ITPR1: variants seen among roughly 807,000 people sequenced by gnomAD.
ITPR1 encodes inositol 1,4,5-trisphosphate receptor type 1, also known as inositol 1,4,5-trisphosphate-gated calcium channel ITPR1.
In ITPR1, 96 loss-of-function variants were observed where a neutral mutation model predicts 318.4. The ratio of observed to expected loss-of-function variants is 0.30; its 90% CI spans 0.26 to 0.36. The LOEUF (loss-of-function observed/expected upper bound fraction) is 0.36. ITPR1 is among the 10% of genes least tolerant of loss of function. ITPR1 has a pLI of 1.00. For missense variants in ITPR1, 2,440 were observed against 3,460.2 expected, an observed-to-expected ratio of 0.71 and a Z score of 7.40; for synonymous variants, 1,312 against 1,289.9, an observed-to-expected ratio of 1.02 and a Z score of -0.37.
intron 3 of ITPR1, among the ~76,000 whole-genome samples, chr3:4,520,130 G>C (rs1224148130): frequency 1.3e-5 from 2 of 152,164 alleles, no homozygotes; most frequent in Non-Finnish European, 2.9e-5. Context: ...GTGTTAGCTG[G>C]GAACAACTGC....
chr3:4,505,970 A>T (rs1430923974), intron 2 of ITPR1, among the ~76,000 whole-genome samples: 1 of 152,222 alleles, frequency 6.6e-6, no homozygotes, highest in Non-Finnish European at 1.5e-5. Context: ...AGTTTATGAG[A>T]ATAGAAAATA....
chr3:4,791,492 GT>G (rs974679645), intron 52 of ITPR1, among the ~76,000 whole-genome samples: 6 of 152,320 alleles, frequency 3.9e-5, no homozygotes, highest in Admixed American at 6.5e-5. Context: ...CCTTGCTGAT[GT>G]GACAGAGGCA....
chr3:4,642,849 C>T (rs770964787), intron 7 of ITPR1, among the ~76,000 whole-genome samples: 29 of 152,266 alleles, frequency 1.9e-4, no homozygotes, highest in Admixed American at 3.3e-4. Flanking sequence ...TCAGCCATTA[C>T]GTGGGCATAT....
chr3:4,735,104 A>G (rs2043180783), intron 43 of ITPR1, 60 bp from the exon 44 acceptor site: 21 of 1,338,262 alleles, frequency 1.6e-5, no homozygotes, highest in Non-Finnish European at 2.2e-5. Context: ...CGTAGTAAGT[A>G]TGCAGCAAAC....
intron 33 of ITPR1, among the ~76,000 whole-genome samples, chr3:4,695,033 C>T (rs977040270): frequency 2.0e-5 from 3 of 152,164 alleles, no homozygotes; most frequent in African/African-American, 7.2e-5. Context: ...AACACTGTAA[C>T]TTCTTTTCAT....
At chr3:4,698,032 A>G (rs1327457959) in intron 34 of ITPR1, among the ~76,000 whole-genome samples, 1 of 152,172 alleles carries the variant, frequency 6.6e-6, no homozygotes, top group African/African-American at 2.4e-5. Flanking sequence ...CAGCCTCAAG[A>G]GTGGCCTTAA....
At chr3:4,774,248 A>G (rs1368958749) in intron 46 of ITPR1, among the ~76,000 whole-genome samples, 1 of 152,230 alleles carries the variant, frequency 6.6e-6, no homozygotes, top group Non-Finnish European at 1.5e-5. Flanking sequence ...TAAATGATGT[A>G]GATATACTGT....
At chr3:4,520,427 G>C (rs1387000772) in intron 3 of ITPR1, among the ~76,000 whole-genome samples, 1 of 152,044 alleles carries the variant, frequency 6.6e-6, no homozygotes, top group Non-Finnish European at 1.5e-5. Flanking sequence ...TGTGCTCATG[G>C]TTCTTTCCAC....
intron 4 of ITPR1, among the ~76,000 whole-genome samples, chr3:4,532,045 C>T (rs375572148): frequency 2.0e-5 from 3 of 152,190 alleles, no homozygotes; most frequent in Admixed American, 6.5e-5. Context: ...AAAGCACTTA[C>T]GGGACTACCT....
At chr3:4,765,577 G>A (rs984494611) in intron 44 of ITPR1, among the ~76,000 whole-genome samples, 32 of 152,178 alleles carry the variant, frequency 2.1e-4, no homozygotes, top group Admixed American at 1.7e-3. Flanking sequence ...ACTGCCTTCT[G>A]TAGGGAAGTG....
intron 42 of ITPR1, among the ~76,000 whole-genome samples, chr3:4,732,068 C>G (rs1483290560): frequency 2.6e-5 from 4 of 152,162 alleles, no homozygotes; most frequent in Non-Finnish European, 4.4e-5. Context: ...ATTTATACAG[C>G]CTTTGACTTT....
intron 4 of ITPR1, among the ~76,000 whole-genome samples, chr3:4,606,054 C>CAAAT (rs1446912555): frequency 6.6e-6 from 1 of 152,100 alleles, no homozygotes; most frequent in Non-Finnish European, 1.5e-5. Flanking sequence ...TTTCTTTTCC[C>CAAAT]AAATCCAGGA....
intron 4 of ITPR1, among the ~76,000 whole-genome samples, chr3:4,615,378 T>C (rs2686614): frequency 0.077 from 11,499 of 149,092 alleles, 1,385 homozygotes; most frequent in African/African-American, 0.26. Context: ...TCTTTCTTTT[T>C]TTTTTTTTTT....
intron 4 of ITPR1, among the ~76,000 whole-genome samples, chr3:4,553,481 A>G (rs536234754): frequency 6.6e-6 from 1 of 152,134 alleles, no homozygotes; most frequent in African/African-American, 2.4e-5. Context: ...CCCAGGCTGA[A>G]GTACAGTGGT....
At chr3:4,820,544 C>T (rs553182687) in intron 60 of ITPR1, among the ~76,000 whole-genome samples, 38 of 152,332 alleles carry the variant, frequency 2.5e-4, no homozygotes, top group African/African-American at 8.2e-4. Flanking sequence ...CCACCCAACC[C>T]GGTCAGAGCC....
chr3:4,642,774 A>G (rs1369137207), intron 7 of ITPR1, among the ~76,000 whole-genome samples: 1 of 152,220 alleles, frequency 6.6e-6, no homozygotes, highest in East Asian at 1.9e-4. Context: ...TCCACAGTAT[A>G]TAAAGCCACA....
chr3:4,735,117 T>C, intron 43 of ITPR1, 47 bp from the exon 44 acceptor site: 1 of 1,472,120 alleles, frequency 6.8e-7, no homozygotes, highest in East Asian at 2.3e-5. Flanking sequence ...CAGCAAACAT[T>C]AGCTGTTCTG....
chr3:4,813,109 T>C (rs1019706484), intron 56 of ITPR1, 33 bp from the exon 57 acceptor site: 60 of 1,534,772 alleles, frequency 3.9e-5, no homozygotes, highest in Non-Finnish European at 5.2e-5. Flanking sequence ...TGCTGCCAGA[T>C]TGTTCATCAT....
rs562924964 is a variant in ITPR1, at chr3:4,779,966, A to G, written c.6387+321A>G. Among the ~76,000 whole-genome samples the G allele has an allele frequency of 1.4e-4, 22 of 152,124 alleles. No homozygotes were observed. Among genetic ancestry groups the G allele is most frequent in the Non-Finnish European group, 3.1e-4 (21 of 67,964 alleles). On this transcript the variant is annotated intron_variant, in intron 49 of 61. Transcript: ENST00000649015. The surrounding 1 kb of genome is among the most constrained non-coding windows in gnomAD (Gnocchi z 4.0). The stretch of plus-strand genomic sequence containing the variant: ...TGCTGTTTTACCCTCTCCCTTTGGC[A>G]TAAACCACATGGAGAAGCCTCCGTC...
Sources: allele counts gnomAD v4.1 joint callset (sites outside exome capture counted in the v4.1 genomes callset), GRCh38; gene constraint gnomAD v4.1.1; non-coding constraint Gnocchi (gnomAD v3.1); transcripts MANE v1.5; gene names NCBI Gene and HGNC (gene_info 2026-07-23, HGNC 2026-07-21).